TOX: variants seen among roughly 807,000 people sequenced by gnomAD.
The protein encoded by TOX is thymocyte selection-associated high mobility group box protein TOX.
A neutral mutation model predicts 53.7 loss-of-function variants in TOX; 11 were observed. The ratio of observed to expected loss-of-function variants is 0.20; its 90% CI spans 0.13 to 0.34. The LOEUF (loss-of-function observed/expected upper bound fraction) is 0.34, where lower values mean the gene tolerates loss of function less well. Among genes scored for constraint, TOX ranks in the 10% least tolerant of loss-of-function variants. The pLI, the probability that TOX is intolerant of heterozygous loss-of-function variation, is 1.00. For missense variants in TOX, 570 were observed against 664.6 expected, an observed-to-expected ratio of 0.86 and a Z score of 1.56; for synonymous variants, 225 against 245.3, an observed-to-expected ratio of 0.92 and a Z score of 0.77.
At chr8:58,829,902 A>G (rs1297972564) in intron 5 of TOX, among the ~76,000 whole-genome samples, 3 of 152,212 alleles carry the variant, frequency 2.0e-5, no homozygotes, top group Non-Finnish European at 4.4e-5. Context: ...ATAGATAAAG[A>G]AAGTCCTCTG....
chr8:58,998,861 C>G (rs1813635543), intron 1 of TOX, among the ~76,000 whole-genome samples: 1 of 151,896 alleles, frequency 6.6e-6, no homozygotes, highest in African/African-American at 2.4e-5. Context: ...GGTATGAGTG[C>G]AAAACATTGA....
At chr8:58,886,112 C>A (rs991839415) in intron 3 of TOX, among the ~76,000 whole-genome samples, 1 of 152,034 alleles carries the variant, frequency 6.6e-6, no homozygotes, top group Non-Finnish European at 1.5e-5. Context: ...AAGGGGACAG[C>A]CTCTGAGAGG....
chr8:59,052,479 C>T (rs1803809937), intron 1 of TOX, among the ~76,000 whole-genome samples: 1 of 152,152 alleles, frequency 6.6e-6, no homozygotes, highest in African/African-American at 2.4e-5. Context: ...ACTTTTATAA[C>T]TTTCTTAACT....
At chr8:59,079,587 G>A (rs1804361878) in intron 1 of TOX, among the ~76,000 whole-genome samples, 1 of 152,238 alleles carries the variant, frequency 6.6e-6, no homozygotes, top group African/African-American at 2.4e-5. Context: ...GGTGCACAGA[G>A]TGCAAGAGTG....
chr8:59,098,671 T>A (rs1804754459), intron 1 of TOX, among the ~76,000 whole-genome samples: 1 of 152,202 alleles, frequency 6.6e-6, no homozygotes, highest in South Asian at 2.1e-4. Flanking sequence ...CAGGAAACTG[T>A]TTTAATCAAG....
intron 2 of TOX, among the ~76,000 whole-genome samples, chr8:58,957,532 A>T (rs1301221534): frequency 6.6e-6 from 1 of 152,212 alleles, no homozygotes; most frequent in Non-Finnish European, 1.5e-5. Flanking sequence ...AATATCATTA[A>T]TTTTTACAGT....
At chr8:58,820,984 T>G (rs1810265481) in intron 6 of TOX, among the ~76,000 whole-genome samples, 1 of 152,188 alleles carries the variant, frequency 6.6e-6, no homozygotes, top group African/African-American at 2.4e-5. Flanking sequence ...TAAGCTTTAT[T>G]TGACAGTCCA....
intron 7 of TOX, among the ~76,000 whole-genome samples, chr8:58,810,979 G>C (rs894892577): frequency 6.6e-6 from 1 of 152,162 alleles, no homozygotes; most frequent in Non-Finnish European, 1.5e-5. Flanking sequence ...TAGCTACAAA[G>C]TTCAAAGATT....
intron 1 of TOX, among the ~76,000 whole-genome samples, chr8:58,989,446 A>C (rs937699235): frequency 3.9e-5 from 6 of 152,312 alleles, no homozygotes; most frequent in African/African-American, 1.4e-4. Context: ...CAGAGTATCC[A>C]TGAGAGAAGG....
chr8:59,029,667 G>A (rs184518847), intron 1 of TOX, among the ~76,000 whole-genome samples: 2 of 152,256 alleles, frequency 1.3e-5, no homozygotes, highest in Admixed American at 1.3e-4. Flanking sequence ...GCAATTTTCT[G>A]TTAGTACCTT....
chr8:59,072,849 T>G (rs1187367142), intron 1 of TOX, among the ~76,000 whole-genome samples: 1 of 152,228 alleles, frequency 6.6e-6, no homozygotes, highest in Admixed American at 6.5e-5. Flanking sequence ...CATTTTCTTT[T>G]CACATTTTCA....
intron 1 of TOX, among the ~76,000 whole-genome samples, chr8:59,015,236 A>G (rs1813985526): frequency 2.0e-5 from 3 of 152,250 alleles, no homozygotes; most frequent in Admixed American, 2.0e-4. Flanking sequence ...TTTAAAATAA[A>G]TACGATTCAG....
intron 1 of TOX, among the ~76,000 whole-genome samples, chr8:59,031,430 C>T (rs1286429328): frequency 6.6e-6 from 1 of 152,150 alleles, no homozygotes; most frequent in African/African-American, 2.4e-5. Context: ...TTGGCCAATA[C>T]TTAACTGAGC....
chr8:58,967,075 C>T (rs1199038431), intron 1 of TOX, among the ~76,000 whole-genome samples: 2 of 151,870 alleles, frequency 1.3e-5, no homozygotes, highest in Non-Finnish European at 1.5e-5. Flanking sequence ...GGGGTTTCAC[C>T]GTGTTAGCCA....
intron 1 of TOX, among the ~76,000 whole-genome samples, chr8:59,068,721 C>T (rs1274784037): frequency 2.0e-5 from 3 of 152,084 alleles, no homozygotes; most frequent in Admixed American, 6.5e-5. Context: ...ACCATCATGA[C>T]GAATGTTCGA....
At chr8:58,988,557 G>A (rs1195036822) in intron 1 of TOX, among the ~76,000 whole-genome samples, 1 of 152,186 alleles carries the variant, frequency 6.6e-6, no homozygotes, top group Non-Finnish European at 1.5e-5. Context: ...AGTCACATTT[G>A]TTAATCAAGA....
rs377676947 is a variant in TOX, at chr8:58,838,096, T to A, written c.909A>T (p.Gly303=). Residue 303 remains glycine, a synonymous_variant, in exon 5 of 9, where the codon GGA becomes GGT. Coordinates refer to ENST00000361421, the MANE Select transcript of TOX (RefSeq NM_014729.3). ...AATCCCTTACCTGTTTTTGCTCTTC[T>A]CCTAAACCGTCCCACATTGAAGCCA... is the stretch of plus-strand genomic sequence containing the variant. ...KIVASMWDGL[G]EEQKQVYKKK... 3.1e-6 allele frequency: 5 copies of A among 1,614,004 alleles called. No homozygotes were observed. Among genetic ancestry groups the A allele is most frequent in the Non-Finnish European group, 4.2e-6 (5 of 1,179,996 alleles).
At chr8:58,853,923 T>G (rs1228120068) in intron 3 of TOX, among the ~76,000 whole-genome samples, 6 of 152,182 alleles carry the variant, frequency 3.9e-5, no homozygotes, top group African/African-American at 1.4e-4. Flanking sequence ...CAGTGTATAC[T>G]AAATTTCTTT....
chr8:59,101,670 G>A (rs998280802), intron 1 of TOX, among the ~76,000 whole-genome samples: 2 of 152,010 alleles, frequency 1.3e-5, no homozygotes, highest in South Asian at 2.1e-4. Context: ...TTTTTAGAAG[G>A]AAAAACATAT....
Sources: gnomAD v4.1 joint callset for allele counts (sites outside exome capture counted in the v4.1 genomes callset) on GRCh38, gnomAD v4.1.1 for gene constraint, MANE v1.5 for transcripts, NCBI Gene and HGNC (gene_info 2026-07-23, HGNC 2026-07-21) for gene names.